Variants in YWHAE observed in about 807,000 individuals in gnomAD.
YWHAE encodes the protein 14-3-3 protein epsilon.
YWHAE carries 4 observed loss-of-function variants against 30.1 expected under a neutral mutation model. The ratio of observed to expected loss-of-function variants is 0.13; its 90% CI spans 0.07 to 0.30. YWHAE has a LOEUF of 0.30. Among genes scored for constraint, YWHAE ranks in the 10% least tolerant of loss-of-function variants. YWHAE has a pLI of 1.00. For missense variants in YWHAE, 121 were observed against 315.9 expected (o/e 0.38, Z 4.68); for synonymous variants, 118 against 111.8 (o/e 1.06, Z -0.35).
Position 1,368,551 on chromosome 17 carries a change from G to A in YWHAE, c.65-3493C>T, listed in dbSNP as rs537127708. Reference sequence around the variant, plus strand: ...TGCACTCCAGCCTAGGCGACAGAGTGAGACTCTGTCTCAAAAAAAAAAAAA... The same window carrying A: ...TGCACTCCAGCCTAGGCGACAGAGTAAGACTCTGTCTCAAAAAAAAAAAAA... On this transcript the variant is annotated intron_variant, in intron 1 of 5. Coordinates refer to ENST00000264335, the MANE Select transcript of YWHAE (RefSeq NM_006761.5). 1.3e-4 allele frequency among the ~76,000 whole-genome samples: 16 copies of A among 120,212 alleles called. No homozygotes were observed. The Admixed American group carries it at 1.4e-3, about 10-fold the overall frequency. 78.9% of individuals were successfully genotyped at this position (120,212 alleles called of 152,430 possible). A position where few individuals can be genotyped will look rare whatever the true frequency, so the allele number is the denominator to read the frequency against.
intron 5 of YWHAE, 92 bp downstream of exon 5, chr17:1,354,119 T>C: frequency 6.8e-7 from 1 of 1,479,544 alleles, no homozygotes; most frequent in Non-Finnish European, 9.1e-7. Flanking sequence ...AAATTCTAGC[T>C]TGATATAACG....
intron 1 of YWHAE, among the ~76,000 whole-genome samples, chr17:1,365,619 C>G (rs1433163683): frequency 6.6e-6 from 1 of 151,980 alleles, no homozygotes; most frequent in Admixed American, 6.6e-5. Context: ...AGGTGGCGAG[C>G]AAAGAAAGGG....
At chr17:1,359,352 C>T (rs2072815320) in intron 4 of YWHAE, among the ~76,000 whole-genome samples, 1 of 152,058 alleles carries the variant, frequency 6.6e-6, no homozygotes. Context: ...AATTCCACCT[C>T]AAGGTGAAGT....
intron 1 of YWHAE, among the ~76,000 whole-genome samples, chr17:1,397,424 G>T (rs1210519037): frequency 6.6e-6 from 1 of 152,106 alleles, no homozygotes; most frequent in Non-Finnish European, 1.5e-5. Context: ...CTGAACACAG[G>T]TTAGCTCTTC....
At position 1,369,475 on chromosome 17, in the gene YWHAE, C is replaced by G. The variant is rs541471315; in HGVS notation, c.65-4417G>C. Among the ~76,000 whole-genome samples the G allele has an allele frequency of 2.6e-5, 4 of 152,270 alleles. No individual in the cohort carries two copies. In the South Asian group the frequency reaches 6.2e-4, roughly 24 times the overall value. On this transcript the variant is annotated intron_variant, in intron 1 of 5. Coordinates refer to ENST00000264335, the MANE Select transcript of YWHAE (RefSeq NM_006761.5). ...CTCCACTGCACTACAGCCTGGGTAA[C>G]AGAGAGAGACTCCGTCTCCAAAAAA...
intron 1 of YWHAE, among the ~76,000 whole-genome samples, chr17:1,376,509 C>A (rs1008034850): frequency 2.0e-5 from 3 of 152,058 alleles, no homozygotes; most frequent in African/African-American, 4.8e-5. Context: ...TTATTCTTTT[C>A]TCTTAAAGAG....
At chr17:1,375,330 G>A (rs2073105985) in intron 1 of YWHAE, among the ~76,000 whole-genome samples, 2 of 152,118 alleles carry the variant, frequency 1.3e-5, no homozygotes, top group Non-Finnish European at 2.9e-5. Flanking sequence ...CCCTCCCTCA[G>A]TAGAGGATGA....
At chr17:1,350,273 A>T (rs1247694334) in intron 5 of YWHAE, among the ~76,000 whole-genome samples, 2 of 151,982 alleles carry the variant, frequency 1.3e-5, no homozygotes, top group African/African-American at 4.8e-5. Context: ...TTTTAAGATG[A>T]TCCATTTCCT....
Position 1,345,362 on chromosome 17 carries a change from G to GTGAGAGAA in YWHAE, c.*84_*85insTTCTCTCA. The GTGAGAGAA allele has an allele frequency of 7.4e-7, 1 of 1,353,346 alleles. No individual in the cohort carries two copies. Among genetic ancestry groups the GTGAGAGAA allele is most frequent in the Non-Finnish European group, 1.1e-6 (1 of 950,192 alleles). The allele number at this position is 1,353,346 out of a possible 1,614,324, so 83.8% of individuals were successfully genotyped here. On this transcript the variant is annotated 3_prime_UTR_variant, in exon 6 of 6. Coordinates refer to ENST00000264335, the MANE Select transcript of YWHAE (RefSeq NM_006761.5). ...CCAAATGTAAAAGTCAGATTTGGTG[G>GTGAGAGAA]TTCTCAGTGACAATGGGGAGTTTCC... is the stretch of plus-strand genomic sequence containing the variant.
intron 5 of YWHAE, among the ~76,000 whole-genome samples, chr17:1,353,213 T>G (rs949948055): frequency 1.4e-5 from 2 of 140,090 alleles, no homozygotes; most frequent in East Asian, 2.2e-4. Context: ...CCGAGGCGGG[T>G]GGATCACAAG....
At chr17:1,394,026 G>A (rs1286038144) in intron 1 of YWHAE, among the ~76,000 whole-genome samples, 2 of 152,254 alleles carry the variant, frequency 1.3e-5, no homozygotes, top group Middle Eastern at 3.4e-3. Flanking sequence ...CAAGCATCAA[G>A]CATACGCTAC....
chr17:1,387,924 C>CT (rs35930155), intron 1 of YWHAE, among the ~76,000 whole-genome samples: 2,458 of 75,690 alleles, frequency 0.032, 213 homozygotes, highest in African/African-American at 0.063. Flanking sequence ...CTGCACCTGG[C>CT]TTTTTTTTTT....
chr17:1,350,996 T>G (rs916568697), intron 5 of YWHAE, among the ~76,000 whole-genome samples: 1 of 149,672 alleles, frequency 6.7e-6, no homozygotes, highest in Non-Finnish European at 1.5e-5. Flanking sequence ...GAGGCAGAGG[T>G]TGCAGTGAGC....
chr17:1,347,126 G>A (rs2072534247), intron 5 of YWHAE, among the ~76,000 whole-genome samples: 2 of 144,650 alleles, frequency 1.4e-5, no homozygotes, highest in Non-Finnish European at 3.0e-5. Context: ...AGGAGATCGA[G>A]ACCATCCTGG....
At chr17:1,357,402 CAAAAAAA>C (rs1195729330) in intron 4 of YWHAE, among the ~76,000 whole-genome samples, 1 of 80,248 alleles carries the variant, frequency 1.2e-5, no homozygotes, top group East Asian at 4.2e-4. Context: ...GACTCCGTCT[CAAAAAAA>C]AAAAAAAAAA....
chr17:1,356,493 GT>G (rs1473452871), intron 4 of YWHAE, among the ~76,000 whole-genome samples: 1 of 152,192 alleles, frequency 6.6e-6, no homozygotes, highest in Non-Finnish European at 1.5e-5. Context: ...CACACTTCAG[GT>G]TTAAGCAGAA....
At chr17:1,389,355 C>A (rs961202799) in intron 1 of YWHAE, among the ~76,000 whole-genome samples, 1 of 152,144 alleles carries the variant, frequency 6.6e-6, no homozygotes, top group Admixed American at 6.5e-5. Flanking sequence ...AGCTGACTAA[C>A]CCAGGGATTA....
At chr17:1,352,180 G>C (rs1480709544) in intron 5 of YWHAE, 4 of 152,324 alleles carry the variant, frequency 2.6e-5, no homozygotes, top group South Asian at 2.1e-4. Flanking sequence ...GCTGCGCTGG[G>C]AAGTGTTCTG....
At chr17:1,376,929 T>A (rs927079942) in intron 1 of YWHAE, among the ~76,000 whole-genome samples, 1 of 77,504 alleles carries the variant, frequency 1.3e-5, no homozygotes, top group Admixed American at 1.8e-4. Context: ...TAACCCTAAC[T>A]TTTTTTTTTT....
Sources: gnomAD v4.1 joint callset for allele counts (sites outside exome capture counted in the v4.1 genomes callset) on GRCh38, gnomAD v4.1.1 for gene constraint, MANE v1.5 for transcripts, NCBI Gene and HGNC (gene_info 2026-07-23, HGNC 2026-07-21) for gene names.